TRERF1: variants seen among roughly 807,000 people sequenced by gnomAD.
TRERF1 encodes transcriptional regulating factor 1, also known as transcriptional-regulating factor 1.
A neutral mutation model predicts 122.9 loss-of-function variants in TRERF1; 27 were observed. The observed-to-expected ratio is 0.22, with a 90% confidence interval of 0.16 to 0.30. TRERF1 has a LOEUF of 0.30. TRERF1 is among the 10% of genes least tolerant of loss of function. The pLI is 1.00. For missense variants in TRERF1, 1,248 were observed against 1,560.3 expected (o/e 0.80, Z 3.37); for synonymous variants, 636 against 641.7 (o/e 0.99, Z 0.13).
At chr6:42,307,517 C>T (rs149064211) in intron 3 of TRERF1, among the ~76,000 whole-genome samples, 450 of 152,188 alleles carry the variant, frequency 3.0e-3, no homozygotes, top group Admixed American at 5.5e-3. Flanking sequence ...CATATTGGAA[C>T]GGGCCCTCCA....
chr6:42,411,600 T>A (rs1781103046), intron 2 of TRERF1, among the ~76,000 whole-genome samples: 1 of 152,118 alleles, frequency 6.6e-6, no homozygotes, highest in Admixed American at 6.5e-5. Context: ...CCAGAAGGGA[T>A]CTGAGTCTCC....
rs1200872496 is a variant in TRERF1 at position 42,232,163 on chromosome 6, A to G, written c.3278+518T>C. Among the ~76,000 whole-genome samples the G allele has an allele frequency of 6.6e-6, 1 of 152,252 alleles. No individual in the cohort carries two copies. The highest frequency in any genetic ancestry group is 1.5e-5 in the Non-Finnish European group (1 of 68,034). On this transcript the variant is annotated intron_variant, in intron 17 of 17. Coordinates refer to ENST00000372922, the Ensembl canonical transcript of TRERF1. This position sits in a 1 kb window ranked among gnomAD's most constrained non-coding sequence, Gnocchi z 4.5. ...AATTGGTTGTGCAGCTTGAAGCATGACAACAAAAAGTAATTGAGGCTTTGT... is the reference window on the plus strand; with the variant it reads ...AATTGGTTGTGCAGCTTGAAGCATGGCAACAAAAAGTAATTGAGGCTTTGT...
At chr6:42,323,237 C>T (rs190737604) in intron 3 of TRERF1, among the ~76,000 whole-genome samples, 33 of 149,352 alleles carry the variant, frequency 2.2e-4, no homozygotes, top group Admixed American at 1.9e-3. Flanking sequence ...CTCGCTCTGT[C>T]GCCCAGGCTG....
intron 4 of TRERF1, among the ~76,000 whole-genome samples, chr6:42,296,640 C>A (rs758528916): frequency 6.6e-6 from 1 of 152,156 alleles, no homozygotes. Flanking sequence ...AGCCAAACCA[C>A]TGTGCTCTGT....
intron 3 of TRERF1, among the ~76,000 whole-genome samples, chr6:42,361,454 T>C (rs888971135): frequency 6.6e-6 from 1 of 152,222 alleles, no homozygotes; most frequent in African/African-American, 2.4e-5. Context: ...TTTTAAACTG[T>C]TTCAAATGTT....
intron 3 of TRERF1, among the ~76,000 whole-genome samples, chr6:42,305,147 C>T (rs1222238440): frequency 6.6e-6 from 1 of 152,172 alleles, no homozygotes; most frequent in Non-Finnish European, 1.5e-5. Context: ...AGGTCTGATG[C>T]CTTGCCCAAG....
intron 3 of TRERF1, among the ~76,000 whole-genome samples, chr6:42,350,732 A>T (rs1415482496): frequency 1.3e-5 from 2 of 152,214 alleles, no homozygotes; most frequent in Non-Finnish European, 2.9e-5. Context: ...TCTCAGGAGT[A>T]CTGTTAACTG....
Position 42,228,447 on chromosome 6 carries a change from G to A in TRERF1, c.3501C>T (p.Val1167=), listed in dbSNP as rs770473962. The A allele has an allele frequency of 4.3e-6, 7 of 1,614,160 alleles. No individual in the cohort carries two copies. The Admixed American group carries it at 8.3e-5, about 19-fold the overall frequency. ...CTTCCATGACACCTCCCAACTGCTG[G>A]ACGACGTCGTCGTCGAGGATGTCCA... Residue 1167 remains valine (V), a synonymous_variant, in exon 18 of 18, where the codon GTC becomes GTT. Coordinates refer to ENST00000372922, the Ensembl canonical transcript of TRERF1. This position sits in a 1 kb window ranked among gnomAD's most constrained non-coding sequence, Gnocchi z 4.2.
At chr6:42,253,680 TGTGCTTGGAAGAGG>T (rs1776229857) in intron 13 of TRERF1, among the ~76,000 whole-genome samples, 1 of 152,228 alleles carries the variant, frequency 6.6e-6, no homozygotes, top group Non-Finnish European at 1.5e-5. Context: ...TTGGGCTTAC[TGTGCTTGGAAGAGG>T]GGCTTTGAGG....
intron 2 of TRERF1, among the ~76,000 whole-genome samples, chr6:42,426,485 T>C (rs1783651692): frequency 6.6e-6 from 1 of 152,358 alleles, no homozygotes; most frequent in East Asian, 1.9e-4. Context: ...CAGGAGCTAC[T>C]TGTCAACTAT....
At chr6:42,373,872 C>T (rs1210042052) in intron 2 of TRERF1, among the ~76,000 whole-genome samples, 10 of 150,762 alleles carry the variant, frequency 6.6e-5, no homozygotes, top group African/African-American at 9.7e-5. Flanking sequence ...TGGTGGCTCA[C>T]GTCTGTAATC....
At chr6:42,374,148 A>AG (rs1465774674) in intron 2 of TRERF1, among the ~76,000 whole-genome samples, 42 of 142,418 alleles carry the variant, frequency 2.9e-4, no homozygotes, top group African/African-American at 1.2e-3. Flanking sequence ...AAAAAAAAAA[A>AG]AAAAGAAGAA....
At chr6:42,339,794 T>C (rs1373668987) in intron 3 of TRERF1, among the ~76,000 whole-genome samples, 1 of 152,254 alleles carries the variant, frequency 6.6e-6, no homozygotes, top group Non-Finnish European at 1.5e-5. Context: ...CCCAGTGCTC[T>C]TTCCCAGGTA....
chr6:42,294,624 T>C (rs934698845), intron 4 of TRERF1, among the ~76,000 whole-genome samples: 1 of 152,150 alleles, frequency 6.6e-6, no homozygotes, highest in Admixed American at 6.5e-5. Context: ...ATGTAGAGCA[T>C]ATTTCCACCA....
At chr6:42,301,669 CA>C (rs1466965526) in intron 3 of TRERF1, among the ~76,000 whole-genome samples, 1 of 152,232 alleles carries the variant, frequency 6.6e-6, no homozygotes, top group Non-Finnish European at 1.5e-5. Flanking sequence ...TTTGATTCAA[CA>C]GATTATTCTG....
intron 3 of TRERF1, among the ~76,000 whole-genome samples, chr6:42,323,467 G>A (rs1371777791): frequency 7.2e-5 from 11 of 152,068 alleles, no homozygotes; most frequent in Admixed American, 2.6e-4. Context: ...AAAGTGCTGG[G>A]ATTACAGGTG....
At position 42,263,376 on chromosome 6, in the gene TRERF1, G is replaced by C. The variant is rs1015791928; in HGVS notation, c.1828C>G (p.Pro610Ala). 2.5e-6 allele frequency: 4 copies of C among 1,612,842 alleles called. No homozygotes were observed. The African/African-American group carries it at 5.3e-5, about 22-fold the overall frequency. The change falls in exon 8 of 18, where the codon CCC becomes GCC. Residue 610 changes from proline to alanine, a missense_variant. By Grantham distance (27) the Pro-to-Ala change is conservative (BLOSUM62 -1). Around this residue, in one of 5 missense-constraint regions of TRERF1, gnomAD observed 946 missense variants for 1,073.0 expected, o/e 0.88. Coordinates refer to ENST00000372922, the Ensembl canonical transcript of TRERF1. The surrounding 1 kb of genome is among the most constrained non-coding windows in gnomAD (Gnocchi z 5.6). ...CTGGCTGGCTTGTCTCTGGCGGAGG[G>C]GGCGGCAACGGTGCTGTTGGTGAAC... is the stretch of plus-strand genomic sequence containing the variant.
At chr6:42,427,741 G>A (rs1043638336) in intron 2 of TRERF1, among the ~76,000 whole-genome samples, 2 of 151,608 alleles carry the variant, frequency 1.3e-5, no homozygotes, top group Admixed American at 6.6e-5. Flanking sequence ...GTAGAGACAA[G>A]GTCTTCCTAT....
intron 2 of TRERF1, among the ~76,000 whole-genome samples, chr6:42,380,937 A>G (rs1775806968): frequency 6.6e-6 from 1 of 152,242 alleles, no homozygotes; most frequent in South Asian, 2.1e-4. Context: ...TAGGGGTTTA[A>G]GAATGGAAAC....
Sources: gnomAD v4.1 joint callset for allele counts (sites outside exome capture counted in the v4.1 genomes callset) on GRCh38, gnomAD v4.1.1 for gene constraint, gnomAD v4.1.1 regional missense constraint, Gnocchi (gnomAD v3.1) non-coding constraint, MANE v1.5 for transcripts, NCBI Gene and HGNC (gene_info 2026-07-23, HGNC 2026-07-21) for gene names.